UBE2L3: variants seen among roughly 807,000 people sequenced by gnomAD.
The protein encoded by UBE2L3 is ubiquitin-conjugating enzyme E2 L3.
Under a neutral mutation model 17.8 loss-of-function variants are expected in UBE2L3, and 1 was observed. That is an observed-to-expected ratio of 0.06 (90% CI 0.02 to 0.27). UBE2L3 has a LOEUF of 0.27. Among genes scored for constraint, UBE2L3 ranks in the 10% least tolerant of loss-of-function variants. The probability of loss-of-function intolerance (pLI) is 1.00; values close to 1 mark genes in which losing one functional copy is unlikely to be tolerated. For synonymous variants in UBE2L3, 44 were observed against 68.5 expected, an observed-to-expected ratio of 0.64 and a Z score of 1.76; for missense variants, 40 against 192.6, an observed-to-expected ratio of 0.21 and a Z score of 4.69.
intron 1 of UBE2L3, among the ~76,000 whole-genome samples, chr22:21,560,447 T>G (rs1926392403): frequency 4.1e-4 from 1 of 2,422 alleles, no homozygotes; most frequent in Non-Finnish European, 9.8e-4. Context: ...TTTAGATCTA[T>G]TTTTTTTTTT....
chr22:21,565,945 T>C (rs1398174322), upstream of UBE2L3, among the ~76,000 whole-genome samples: 1 of 148,024 alleles, frequency 6.8e-6, no homozygotes, highest in Non-Finnish European at 1.5e-5. Context: ...CCCACCTCCA[T>C]TCCCCATTTT....
At chr22:21,618,956 G>A (rs1452813802) in intron 3 of UBE2L3, among the ~76,000 whole-genome samples, 1 of 152,156 alleles carries the variant, frequency 6.6e-6, no homozygotes, top group African/African-American at 2.4e-5. Flanking sequence ...AGAGTGAGGT[G>A]AAAACTCCTG....
intron 1 of UBE2L3, among the ~76,000 whole-genome samples, chr22:21,583,936 G>A (rs1300332130): frequency 2.0e-5 from 3 of 152,066 alleles, no homozygotes; most frequent in Non-Finnish European, 2.9e-5. Flanking sequence ...GTTCAATGGA[G>A]CGATCTTGGC....
chr22:21,612,596 A>G (rs1313826760), intron 3 of UBE2L3, among the ~76,000 whole-genome samples: 3 of 132,074 alleles, frequency 2.3e-5, no homozygotes, highest in East Asian at 5.1e-4. Flanking sequence ...AAGTGCTGGG[A>G]TTACAGGCGT....
At chr22:21,605,991 G>A (rs1045959848) in intron 2 of UBE2L3, among the ~76,000 whole-genome samples, 2 of 152,168 alleles carry the variant, frequency 1.3e-5, no homozygotes, top group African/African-American at 4.8e-5. Flanking sequence ...CTTGAGCTTT[G>A]CCCATGTGTC....
chr22:21,607,261 C>CT (rs1399662653), intron 2 of UBE2L3, among the ~76,000 whole-genome samples: 1 of 151,846 alleles, frequency 6.6e-6, no homozygotes, highest in Non-Finnish European at 1.5e-5. Flanking sequence ...AATCCCAACA[C>CT]TTTGGGAGGC....
At chr22:21,566,754 G>A (rs890329328), upstream of UBE2L3, among the ~76,000 whole-genome samples, 1 of 151,906 alleles carries the variant, frequency 6.6e-6, no homozygotes, top group Non-Finnish European at 1.5e-5. Context: ...TGGACACTGA[G>A]ACAGCCTCAT....
intron 3 of UBE2L3, 149 bp downstream of exon 3, chr22:21,611,192 T>A: frequency 2.1e-6 from 2 of 967,128 alleles, no homozygotes; most frequent in Non-Finnish European, 3.0e-6. Context: ...CTTGTGGGAA[T>A]GGCTCATCTC....
At chr22:21,587,507 G>T (rs1398035135) in intron 1 of UBE2L3, among the ~76,000 whole-genome samples, 7 of 152,154 alleles carry the variant, frequency 4.6e-5, no homozygotes, top group Non-Finnish European at 8.8e-5. Flanking sequence ...GCTCCTGAGG[G>T]GTTCTGAAAC....
intron 1 of UBE2L3, among the ~76,000 whole-genome samples, chr22:21,570,792 G>A (rs1926924131): frequency 6.6e-6 from 1 of 152,058 alleles, no homozygotes. Flanking sequence ...AGTGATTTTC[G>A]TTGGTGAAAA....
chr22:21,603,927 T>C (rs1471901517), intron 2 of UBE2L3, among the ~76,000 whole-genome samples: 1 of 150,018 alleles, frequency 6.7e-6, no homozygotes, highest in Non-Finnish European at 1.5e-5. Context: ...TTTTTTTTTT[T>C]TTCTGAGACA....
In UBE2L3 at chr22:21,612,643, C is replaced by CTT. The variant is rs57678378; in HGVS notation, c.310+1627_310+1628dup. 3.6e-3 allele frequency among the ~76,000 whole-genome samples: 187 copies of CTT among 52,480 alleles called. 12 individuals carry two copies. Among genetic ancestry groups the CTT allele is most frequent in the African/African-American group, 6.6e-3 (104 of 15,674 alleles). The allele number at this position is 52,480 out of a possible 152,430, so 34.4% of individuals were successfully genotyped here. ...CCCAGCCGATTTTTTCTTTTCTTTT[C>CTT]TTTTTTTTTTTTTTTTTTTTTTTTT... is the stretch of plus-strand genomic sequence containing the variant. On this transcript the variant is annotated intron_variant, in intron 3 of 3. Coordinates refer to ENST00000342192, the MANE Select transcript of UBE2L3 (RefSeq NM_003347.4).
At chr22:21,566,459 T>A (rs1926642960), upstream of UBE2L3, among the ~76,000 whole-genome samples, 1 of 151,916 alleles carries the variant, frequency 6.6e-6, no homozygotes, top group South Asian at 2.1e-4. Context: ...TGGTGGAACG[T>A]GCCTGTAGTC....
chr22:21,556,177 G>A (rs527835911), intron 1 of UBE2L3, among the ~76,000 whole-genome samples: 74 of 152,324 alleles, frequency 4.9e-4, no homozygotes, highest in Admixed American at 3.3e-3. Context: ...ACTGAAATGA[G>A]CCATGAGTGA....
intron 2 of UBE2L3, 83 bp downstream of exon 2, chr22:21,593,039 A>G: frequency 8.2e-7 from 1 of 1,224,990 alleles, no homozygotes; most frequent in Non-Finnish European, 1.2e-6. Flanking sequence ...TCTGCTCCTT[A>G]GTAGGCTCTT....
intron 1 of UBE2L3, among the ~76,000 whole-genome samples, chr22:21,561,511 G>T (rs1294923361): frequency 2.0e-5 from 3 of 152,286 alleles, no homozygotes; most frequent in Non-Finnish European, 4.4e-5. Context: ...GAGTACAGGA[G>T]GTTGAGGCTG....
chr22:21,586,244 G>C (rs1201065677), intron 1 of UBE2L3, among the ~76,000 whole-genome samples: 1 of 151,888 alleles, frequency 6.6e-6, no homozygotes, highest in Non-Finnish European at 1.5e-5. Flanking sequence ...CCTGGCTCCT[G>C]GCCTAGATTT....
At position 21,601,246 on chromosome 22, in the gene UBE2L3, A is replaced by T. The variant is rs148991761; in HGVS notation, c.123+8290A>T. Among the ~76,000 whole-genome samples the T allele has an allele frequency of 3.8e-3, 571 of 152,218 alleles. 4 individuals are homozygous for T. The highest frequency in any genetic ancestry group is 0.013 in the African/African-American group (546 of 41,548). On this transcript the variant is annotated intron_variant, in intron 2 of 3. Transcript: ENST00000342192. ...AAGTTCTTGTGACTTTCGAACATGG[A>T]GTAAGGACATATTCCATGTTCAGAA...
At chr22:21,580,005 A>C (rs754633515) in intron 1 of UBE2L3, among the ~76,000 whole-genome samples, 13 of 152,244 alleles carry the variant, frequency 8.5e-5, no homozygotes, top group South Asian at 4.1e-4. Context: ...ACACAGGCAC[A>C]TAATGACTAG....
Sources: gnomAD v4.1 joint callset for allele counts (sites outside exome capture counted in the v4.1 genomes callset) on GRCh38, gnomAD v4.1.1 for gene constraint, MANE v1.5 for transcripts, NCBI Gene and HGNC (gene_info 2026-07-23, HGNC 2026-07-21) for gene names.